The following ADARB1 variants were observed in gnomAD, a reference collection of about 807,000 sequenced individuals.
ADARB1 encodes the protein adenosine deaminase RNA specific B1, also known as double-stranded RNA-specific editase 1.
In ADARB1, 10 loss-of-function variants were observed where a neutral mutation model predicts 52.4. The observed-to-expected ratio is 0.19, with a 90% CI of 0.12 to 0.32. The LOEUF (loss-of-function observed/expected upper bound fraction) is 0.32. Among genes scored for constraint, ADARB1 ranks in the 10% least tolerant of loss-of-function variants. The pLI is 1.00. For missense variants in ADARB1, 643 were observed against 922.3 expected (o/e 0.70, Z 3.92); for synonymous variants, 349 against 371.1 (o/e 0.94, Z 0.68).
intron 1 of ADARB1, among the ~76,000 whole-genome samples, chr21:45,083,518 A>G (rs1444986276): frequency 6.6e-6 from 1 of 152,258 alleles, no homozygotes; most frequent in African/African-American, 2.4e-5. Flanking sequence ...TGCCAGCATC[A>G]TTTTAACCCC....
chr21:45,108,535 C>G (rs1423889289), intron 1 of ADARB1, among the ~76,000 whole-genome samples: 1 of 152,140 alleles, frequency 6.6e-6, no homozygotes, highest in Non-Finnish European at 1.5e-5. Context: ...GAAGCAGGTA[C>G]CAAATTCTTA....
At chr21:45,127,179 G>C (rs1418654574) in intron 1 of ADARB1, among the ~76,000 whole-genome samples, 1 of 152,194 alleles carries the variant, frequency 6.6e-6, no homozygotes, top group African/African-American at 2.4e-5. Flanking sequence ...TTCGGACTGA[G>C]TGGAGGCAAC....
At chr21:45,080,428 C>T (rs1271609662) in intron 1 of ADARB1, among the ~76,000 whole-genome samples, 1 of 152,034 alleles carries the variant, frequency 6.6e-6, no homozygotes, top group Non-Finnish European at 1.5e-5. Flanking sequence ...AGAAGGGAGG[C>T]GGGACTTCAG....
intron 1 of ADARB1, among the ~76,000 whole-genome samples, chr21:45,086,014 A>G (rs1055850792): frequency 1.8e-4 from 28 of 152,228 alleles, no homozygotes; most frequent in African/African-American, 5.5e-4. Flanking sequence ...GCTGTAGGAA[A>G]AGGAAGGTTT....
chr21:45,169,142 G>A (rs2091379046), intron 2 of ADARB1, among the ~76,000 whole-genome samples: 1 of 152,202 alleles, frequency 6.6e-6, no homozygotes, highest in African/African-American at 2.4e-5. Context: ...AGAGAGCCCA[G>A]CTTCCCCACA....
At chr21:45,143,855 A>G (rs1208170146) in intron 2 of ADARB1, among the ~76,000 whole-genome samples, 3 of 152,138 alleles carry the variant, frequency 2.0e-5, no homozygotes, top group Non-Finnish European at 2.9e-5. Context: ...GCCCTCCCAC[A>G]TCCAGCCATC....
At chr21:45,181,057 G>A (rs1472836639) in intron 5 of ADARB1, among the ~76,000 whole-genome samples, 1 of 152,200 alleles carries the variant, frequency 6.6e-6, no homozygotes, top group Non-Finnish European at 1.5e-5. Flanking sequence ...GCACCCCAGG[G>A]TGGAGCAAGA....
chr21:45,203,421 T>C (rs569274582), intron 8 of ADARB1, among the ~76,000 whole-genome samples: 7 of 152,340 alleles, frequency 4.6e-5, no homozygotes, highest in Admixed American at 3.9e-4. Context: ...TCTTCATTTG[T>C]CTTTTTATTG....
At chr21:45,129,769 G>T (rs1441990227) in intron 2 of ADARB1, among the ~76,000 whole-genome samples, 1 of 152,204 alleles carries the variant, frequency 6.6e-6, no homozygotes, top group Non-Finnish European at 1.5e-5. Context: ...GATGAGAGTG[G>T]CTGGGAGCCT....
intron 1 of ADARB1, among the ~76,000 whole-genome samples, chr21:45,114,612 T>A (rs1182923197): frequency 1.3e-5 from 2 of 152,262 alleles, no homozygotes; most frequent in South Asian, 4.1e-4. Context: ...TATCTGGCTC[T>A]CCCATTGGCT....
chr21:45,125,658 C>G (rs973989421), intron 1 of ADARB1, among the ~76,000 whole-genome samples: 4 of 152,262 alleles, frequency 2.6e-5, no homozygotes, highest in African/African-American at 9.6e-5. Flanking sequence ...TTGTGGCCAT[C>G]AGGCCTTCCT....
intron 8 of ADARB1, among the ~76,000 whole-genome samples, chr21:45,202,854 C>T (rs1257870118): frequency 2.6e-5 from 4 of 150,960 alleles, no homozygotes; most frequent in Non-Finnish European, 4.4e-5. Flanking sequence ...GCGTCTTCCC[C>T]TGCAGCCTGT....
Position 45,220,801 on chromosome 21 carries a change from G to T in ADARB1, c.1748-35G>T. On this transcript the variant is annotated intron_variant, in intron 9 of 10. Transcript: ENST00000348831. The surrounding 1 kb of genome is among the most constrained non-coding windows in gnomAD (Gnocchi z 6.3). ...TGCTCCCTCCCTGGGGGTGAAAGCG[G>T]GCTTCACACCACCTTCCTGTGTCTT... 1.9e-6 allele frequency: 3 copies of T among 1,602,492 alleles called. No homozygotes were observed. In the South Asian group the frequency reaches 3.3e-5, roughly 18 times the overall value.
At chr21:45,191,722 T>G (rs1020009414) in intron 8 of ADARB1, among the ~76,000 whole-genome samples, 5 of 151,474 alleles carry the variant, frequency 3.3e-5, no homozygotes, top group African/African-American at 9.7e-5. Context: ...TTTTTAATTG[T>G]TCTTATCTGA....
Position 45,171,617 on chromosome 21 carries a change from C to T in ADARB1, c.-40C>T. ...TTTCTTACTGTCTTTCAGACAGAAA[C>T]AGTCTCCGCCAGTCAAGAAACCCTC... On this transcript the variant is annotated 5_prime_UTR_variant, in exon 3 of 11. Transcript: ENST00000348831. The T allele has an allele frequency of 3.7e-6, 6 of 1,608,004 alleles. No individual in the cohort carries two copies. The highest frequency in any genetic ancestry group is 5.1e-6 in the Non-Finnish European group (6 of 1,174,928).
chr21:45,206,352 CAA>C (rs1459996581), intron 9 of ADARB1, among the ~76,000 whole-genome samples: 2 of 152,110 alleles, frequency 1.3e-5, no homozygotes, highest in African/African-American at 4.8e-5. Flanking sequence ...CTAAAATCTG[CAA>C]AGACAGAATC....
chr21:45,143,963 T>G (rs1404247424), intron 2 of ADARB1, among the ~76,000 whole-genome samples: 1 of 152,220 alleles, frequency 6.6e-6, no homozygotes, highest in Non-Finnish European at 1.5e-5. Flanking sequence ...TTTTTTTTCC[T>G]TATTAGAACA....
At chr21:45,121,239 A>G (rs1264218959) in intron 1 of ADARB1, among the ~76,000 whole-genome samples, 3 of 151,728 alleles carry the variant, frequency 2.0e-5, no homozygotes, top group African/African-American at 4.8e-5. Flanking sequence ...TTTTATAGCC[A>G]CTCTTTTTTG....
At chr21:45,216,671 G>T (rs147580726) in intron 9 of ADARB1, among the ~76,000 whole-genome samples, 1 of 152,150 alleles carries the variant, frequency 6.6e-6, no homozygotes, top group East Asian at 1.9e-4. Flanking sequence ...GAAAGAATGT[G>T]AATCTGCCAC....
Sources: gnomAD v4.1 joint callset for allele counts (sites outside exome capture counted in the v4.1 genomes callset) on GRCh38, gnomAD v4.1.1 for gene constraint, Gnocchi (gnomAD v3.1) non-coding constraint, MANE v1.5 for transcripts, NCBI Gene and HGNC (gene_info 2026-07-23, HGNC 2026-07-21) for gene names.